GRIK3: variants seen among roughly 807,000 people sequenced by gnomAD.
GRIK3 encodes the protein glutamate receptor ionotropic, kainate 3.
In GRIK3, 29 loss-of-function variants were observed where a neutral mutation model predicts 102.5. The ratio of observed to expected loss-of-function variants is 0.28; its 90% CI spans 0.21 to 0.39. The LOEUF (loss-of-function observed/expected upper bound fraction) is 0.39. Ranked by LOEUF, GRIK3 falls within the 10% of genes least tolerant of loss-of-function variation. The probability of loss-of-function intolerance (pLI) is 1.00; values close to 1 mark genes in which losing one functional copy is unlikely to be tolerated. For synonymous variants in GRIK3, 511 were observed against 504.9 expected (o/e 1.01, Z -0.16); for missense variants, 908 against 1,252.4 (o/e 0.73, Z 4.15).
chr1:36,910,341 G>A (rs1250082368), intron 1 of GRIK3, among the ~76,000 whole-genome samples: 2 of 152,248 alleles, frequency 1.3e-5, no homozygotes, highest in Non-Finnish European at 2.9e-5. Context: ...TTGAGACGTG[G>A]ATCAGCGAGA....
rs752871310 is a variant in GRIK3 at position 37,030,557 on chromosome 1, C to G, written c.115+3437G>C. On this transcript the variant is annotated intron_variant, in intron 1 of 15. Coordinates refer to ENST00000373091, the MANE Select transcript of GRIK3 (RefSeq NM_000831.4). ...CCCACCCCCCACCCCCTCCCCCCCC[C>G]CAACACCTGCTTTATGTCTCTGCAG... Among the ~76,000 whole-genome samples the G allele has an allele frequency of 5.3e-3, 730 of 138,972 alleles. 6 individuals carry two copies. The highest frequency in any genetic ancestry group is 0.026 in the South Asian group (99 of 3,876). The allele number at this position is 138,972 out of a possible 152,430, so 91.2% of individuals were successfully genotyped here.
intron 10 of GRIK3, among the ~76,000 whole-genome samples, chr1:36,831,554 T>C (rs1392283167): frequency 6.6e-6 from 1 of 152,138 alleles, no homozygotes; most frequent in Admixed American, 6.5e-5. Context: ...TTAAAGTAGG[T>C]CAGGACTTCC....
At chr1:36,840,348 A>G (rs948200697) in intron 10 of GRIK3, among the ~76,000 whole-genome samples, 13 of 152,072 alleles carry the variant, frequency 8.5e-5, no homozygotes, top group African/African-American at 2.9e-4. Flanking sequence ...ATTGTGTGCC[A>G]GGTAAGCCTG....
At chr1:36,990,681 G>A (rs1251012583) in intron 1 of GRIK3, among the ~76,000 whole-genome samples, 1 of 152,222 alleles carries the variant, frequency 6.6e-6, no homozygotes, top group Non-Finnish European at 1.5e-5. Context: ...ATAGGAGCTT[G>A]AGATAAAGGG....
At chr1:37,031,986 A>C (rs1233755712) in intron 1 of GRIK3, among the ~76,000 whole-genome samples, 3 of 152,206 alleles carry the variant, frequency 2.0e-5, no homozygotes, top group Non-Finnish European at 4.4e-5. Context: ...CCATGGGCTG[A>C]GAATCAAATG....
At chr1:36,913,809 C>T (rs1641371649) in intron 1 of GRIK3, among the ~76,000 whole-genome samples, 1 of 152,196 alleles carries the variant, frequency 6.6e-6, no homozygotes, top group Non-Finnish European at 1.5e-5. Context: ...TGCCGTCCAC[C>T]ATCGGCCAGA....
At chr1:36,932,944 T>C (rs1488145894) in intron 1 of GRIK3, among the ~76,000 whole-genome samples, 1 of 152,182 alleles carries the variant, frequency 6.6e-6, no homozygotes, top group Non-Finnish European at 1.5e-5. Flanking sequence ...GAACCCCAAA[T>C]CACTGCTAAC....
intron 1 of GRIK3, among the ~76,000 whole-genome samples, chr1:36,922,109 C>T (rs779484047): frequency 4.6e-5 from 7 of 152,206 alleles, no homozygotes; most frequent in Admixed American, 6.5e-5. Context: ...CAGTTCCTGT[C>T]GTGCCACTAA....
chr1:36,824,730 G>T (rs1335177600), intron 11 of GRIK3, among the ~76,000 whole-genome samples: 1 of 152,184 alleles, frequency 6.6e-6, no homozygotes, highest in Non-Finnish European at 1.5e-5. Context: ...GGCTCCGCTG[G>T]AAAGGGGTGG....
intron 1 of GRIK3, among the ~76,000 whole-genome samples, chr1:36,943,530 G>A (rs149789028): frequency 8.0e-4 from 122 of 152,334 alleles, no homozygotes; most frequent in African/African-American, 2.8e-3. Flanking sequence ...GCATGACCCT[G>A]AGAGCAATGT....
intron 1 of GRIK3, among the ~76,000 whole-genome samples, chr1:37,009,489 C>CA (rs112629776): frequency 7.2e-5 from 11 of 152,320 alleles, no homozygotes; most frequent in African/African-American, 2.4e-4. Flanking sequence ...GCGAAGTCTG[C>CA]ATATAAATCG....
chr1:37,008,653 G>A (rs1250548875), intron 1 of GRIK3, among the ~76,000 whole-genome samples: 1 of 152,208 alleles, frequency 6.6e-6, no homozygotes, highest in Admixed American at 6.5e-5. Flanking sequence ...GCAGTGCCAG[G>A]CCAGTGTCCT....
At chr1:36,812,068 C>A (rs182317704) in intron 13 of GRIK3, among the ~76,000 whole-genome samples, 95 of 152,114 alleles carry the variant, frequency 6.2e-4, no homozygotes, top group Non-Finnish European at 2.9e-5. Context: ...GAAGGCAGGG[C>A]TAAGACTGTA....
At chr1:36,878,947 G>C (rs906926088) in intron 3 of GRIK3, among the ~76,000 whole-genome samples, 2 of 152,062 alleles carry the variant, frequency 1.3e-5, no homozygotes, top group African/African-American at 4.8e-5. Flanking sequence ...CCATCTCTAG[G>C]GGACTCTCCA....
At chr1:36,973,416 C>CTTTT (rs35394730) in intron 1 of GRIK3, among the ~76,000 whole-genome samples, 6 of 114,944 alleles carry the variant, frequency 5.2e-5, no homozygotes, top group African/African-American at 7.5e-5. Flanking sequence ...CTTCTTTTTC[C>CTTTT]TTTTTTTTTT....
chr1:36,814,260 A>C (rs1642595263), intron 13 of GRIK3, among the ~76,000 whole-genome samples: 1 of 152,170 alleles, frequency 6.6e-6, no homozygotes, highest in African/African-American at 2.4e-5. Flanking sequence ...ATGAGCCTGC[A>C]CCAGGCTTAT....
intron 1 of GRIK3, among the ~76,000 whole-genome samples, chr1:36,939,156 A>C (rs1641692077): frequency 6.6e-6 from 1 of 152,218 alleles, no homozygotes; most frequent in Non-Finnish European, 1.5e-5. Flanking sequence ...AAAGCCTAAT[A>C]TCCTTCCACC....
intron 1 of GRIK3, among the ~76,000 whole-genome samples, chr1:36,971,454 G>T (rs1642140754): frequency 6.6e-6 from 1 of 152,186 alleles, no homozygotes; most frequent in African/African-American, 2.4e-5. Flanking sequence ...CCCCTAGACT[G>T]CCAATTCTGA....
intron 1 of GRIK3, among the ~76,000 whole-genome samples, chr1:36,919,341 T>TTTATTTTATA (rs1641441547): frequency 7.6e-6 from 1 of 130,730 alleles, no homozygotes; most frequent in Admixed American, 7.3e-5. Context: ...TTTTTAAAAT[T>TTTATTTTATA]TTATTTTATT....
Sources: gnomAD v4.1 joint callset for allele counts (sites outside exome capture counted in the v4.1 genomes callset) on GRCh38, gnomAD v4.1.1 for gene constraint, MANE v1.5 for transcripts, NCBI Gene and HGNC (gene_info 2026-07-23, HGNC 2026-07-21) for gene names.